Variants in ABCA13 observed in about 807,000 individuals in gnomAD.
The protein encoded by ABCA13 is ATP binding cassette subfamily A member 13, also known as ATP-binding cassette sub-family A member 13.
In ABCA13, 476 loss-of-function variants were observed where a neutral mutation model predicts 478.7. The ratio of observed to expected loss-of-function variants is 0.99; its 90% CI spans 0.92 to 1.07. ABCA13 has a LOEUF of 1.07. ABCA13 is among the 50% of genes least tolerant of loss of function. ABCA13 has a pLI of 0.00. For synonymous variants in ABCA13, 2,252 were observed against 2,158.9 expected, an observed-to-expected ratio of 1.04 and a Z score of -1.20; for missense variants, 6,060 against 5,910.6, an observed-to-expected ratio of 1.03 and a Z score of -0.83.
chr7:48,239,303 T>C lies in ABCA13; in HGVS notation c.960T>C (p.Asp320=), dbSNP rs1246590756. 3.1e-6 allele frequency: 5 copies of C among 1,613,894 alleles called. No individual in the cohort carries two copies. In the South Asian group the frequency reaches 3.3e-5, roughly 11 times the overall value. The change falls in exon 9 of 62, where the codon GAT becomes GAC. Residue 320 remains aspartate (D), a synonymous_variant. Coordinates refer to ENST00000435803, the MANE Select transcript of ABCA13 (RefSeq NM_152701.5). ...VCSVLSSTSE[D]EAEKWGHVGG... ...CAGTCTTGTCTAGCACATCAGAGGATGAAGCTGAGAAATGGGGCCACGTTG... is the reference window on the plus strand; with the variant it reads ...CAGTCTTGTCTAGCACATCAGAGGACGAAGCTGAGAAATGGGGCCACGTTG...
At chr7:48,362,610 TTG>T (rs1157932442) in intron 31 of ABCA13, among the ~76,000 whole-genome samples, 1 of 151,712 alleles carries the variant, frequency 6.6e-6, no homozygotes, top group East Asian at 1.9e-4. Context: ...TGCCTCTATC[TTG>T]TGTTTCTTAT....
chr7:48,631,795 C>A (rs1175550997), intron 59 of ABCA13, among the ~76,000 whole-genome samples: 5 of 151,984 alleles, frequency 3.3e-5, no homozygotes, highest in African/African-American at 1.2e-4. Flanking sequence ...TTCTTCTAAT[C>A]CATAAGCATG....
chr7:48,426,391 A>G (rs1341486640), intron 41 of ABCA13, among the ~76,000 whole-genome samples: 1 of 152,112 alleles, frequency 6.6e-6, no homozygotes, highest in African/African-American at 2.4e-5. Flanking sequence ...GCCTTCCCCC[A>G]TCTTTCCCTG....
intron 38 of ABCA13, among the ~76,000 whole-genome samples, chr7:48,392,961 A>G (rs1276472113): frequency 6.6e-6 from 1 of 152,188 alleles, no homozygotes; most frequent in Non-Finnish European, 1.5e-5. Context: ...ATGAAAGTGG[A>G]ATAGCACAAG....
chr7:48,262,164 C>T (rs950762073), intron 15 of ABCA13, among the ~76,000 whole-genome samples: 16 of 152,094 alleles, frequency 1.1e-4, no homozygotes, highest in African/African-American at 3.1e-4. Context: ...TTAATCCCCA[C>T]TATTTCCAGT....
intron 55 of ABCA13, among the ~76,000 whole-genome samples, chr7:48,547,704 A>G (rs1164185585): frequency 6.6e-6 from 1 of 151,900 alleles, no homozygotes; most frequent in Non-Finnish European, 1.5e-5. Context: ...CCATACAATC[A>G]TTCTTTTCAC....
At position 48,221,360 on chromosome 7, in the gene ABCA13, T is replaced by C. The variant is rs1787339226; in HGVS notation, c.468+51T>C. The C allele has an allele frequency of 5.6e-6, 5 of 891,992 alleles. No homozygotes were observed. The East Asian group carries it at 1.5e-4, about 27-fold the overall frequency. 55.3% of individuals were successfully genotyped at this position (891,992 alleles called of 1,614,324 possible). A position where few individuals can be genotyped will look rare whatever the true frequency, so the allele number is the denominator to read the frequency against. On this transcript the variant is annotated intron_variant, in intron 5 of 61. Coordinates refer to ENST00000435803, the MANE Select transcript of ABCA13 (RefSeq NM_152701.5). The stretch of plus-strand genomic sequence containing the variant: ...AATTAGTCTTCAGAGACAGAATGGT[T>C]AAGTTTACAACACTGTTTTTAAGTT...
chr7:48,369,057 A>C lies in ABCA13; in HGVS notation c.10803+1149A>C, dbSNP rs952275528. The stretch of plus-strand genomic sequence containing the variant: ...GTTCCTTTTTCACCGCATCCATGCC[A>C]ACATCGATTATTTTTTGATTTTTTT... On this transcript the variant is annotated intron_variant, in intron 32 of 61. Transcript: ENST00000435803. 2.6e-5 allele frequency among the ~76,000 whole-genome samples: 4 copies of C among 152,030 alleles called. No homozygotes were observed. In the South Asian group the frequency reaches 8.3e-4, roughly 31 times the overall value.
At chr7:48,509,110 G>A (rs931266249) in intron 50 of ABCA13, among the ~76,000 whole-genome samples, 3 of 152,116 alleles carry the variant, frequency 2.0e-5, no homozygotes, top group African/African-American at 7.2e-5. Flanking sequence ...AGGACTGGGG[G>A]GACTTGGAGG....
intron 55 of ABCA13, 129 bp downstream of exon 55, chr7:48,528,474 T>G (rs1833022230): frequency 1.6e-6 from 1 of 635,324 alleles, no homozygotes; most frequent in African/African-American, 1.8e-5. Context: ...ACCTTCCAAT[T>G]ACCACTCCTC....
At chr7:48,557,003 G>A (rs1785902271) in intron 55 of ABCA13, among the ~76,000 whole-genome samples, 2 of 151,860 alleles carry the variant, frequency 1.3e-5, no homozygotes, top group Non-Finnish European at 2.9e-5. Flanking sequence ...AAATACTATT[G>A]TATAACCCAC....
At chr7:48,301,578 G>A (rs1300051768) in intron 23 of ABCA13, among the ~76,000 whole-genome samples, 1 of 151,700 alleles carries the variant, frequency 6.6e-6, no homozygotes, top group Non-Finnish European at 1.5e-5. Flanking sequence ...CTAGAGTTAT[G>A]GGTTTCTGGG....
chr7:48,286,033 T>C (rs1180659103), intron 19 of ABCA13, among the ~76,000 whole-genome samples: 1 of 152,240 alleles, frequency 6.6e-6, no homozygotes, highest in Non-Finnish European at 1.5e-5. Flanking sequence ...TAGTAATTAA[T>C]AAATTTTATA....
chr7:48,412,072 T>G (rs888828935), intron 40 of ABCA13, among the ~76,000 whole-genome samples: 1 of 152,088 alleles, frequency 6.6e-6, no homozygotes, highest in Non-Finnish European at 1.5e-5. Context: ...AATACAAACC[T>G]CTGGAGGCTG....
At chr7:48,629,433 G>A (rs1793957170) in intron 59 of ABCA13, among the ~76,000 whole-genome samples, 1 of 152,010 alleles carries the variant, frequency 6.6e-6, no homozygotes, top group South Asian at 2.1e-4. Flanking sequence ...CAAACTATGA[G>A]CATAAAATGC....
intron 43 of ABCA13, among the ~76,000 whole-genome samples, chr7:48,461,175 C>T (rs551443126): frequency 1.6e-4 from 25 of 152,212 alleles, no homozygotes; most frequent in Admixed American, 1.2e-3. Context: ...TGCTTTTGAG[C>T]GGGATGGAGA....
At chr7:48,327,075 A>C (rs1804444886) in intron 27 of ABCA13, among the ~76,000 whole-genome samples, 1 of 152,206 alleles carries the variant, frequency 6.6e-6, no homozygotes, top group Non-Finnish European at 1.5e-5. Context: ...TACTTCTGTA[A>C]GGTTAGAGGA....
intron 39 of ABCA13, among the ~76,000 whole-genome samples, chr7:48,405,166 C>T (rs1222226657): frequency 6.6e-6 from 1 of 152,228 alleles, no homozygotes; most frequent in Non-Finnish European, 1.5e-5. Flanking sequence ...AAGTAGGGGA[C>T]CCCTTGGAGC....
At chr7:48,405,479 A>T (rs1818144320) in intron 39 of ABCA13, among the ~76,000 whole-genome samples, 1 of 152,234 alleles carries the variant, frequency 6.6e-6, no homozygotes, top group African/African-American at 2.4e-5. Context: ...CAGACATGGG[A>T]TACTGACCAC....
Sources: gnomAD v4.1 joint callset for allele counts (sites outside exome capture counted in the v4.1 genomes callset) on GRCh38, gnomAD v4.1.1 for gene constraint, MANE v1.5 for transcripts, NCBI Gene and HGNC (gene_info 2026-07-23, HGNC 2026-07-21) for gene names.